The following ALDH16A1 variants were observed in gnomAD, a reference collection of about 807,000 sequenced individuals.
The protein encoded by ALDH16A1 is aldehyde dehydrogenase 16 family member A1, also known as aldehyde dehydrogenase family 16 member A1.
Under a neutral mutation model 96.1 loss-of-function variants are expected in ALDH16A1, and 88 were observed. That is an observed-to-expected ratio of 0.92 (90% CI 0.77 to 1.09). The LOEUF (loss-of-function observed/expected upper bound fraction) is 1.09. Ranked by LOEUF, ALDH16A1 falls within the 50% of genes least tolerant of loss-of-function variation. The probability of loss-of-function intolerance (pLI) is 0.00; values close to 1 mark genes in which losing one functional copy is unlikely to be tolerated. For missense variants in ALDH16A1, 1,250 were observed against 1,112.6 expected (o/e 1.12, Z -1.76); for synonymous variants, 522 against 496.4 (o/e 1.05, Z -0.69).
intron 4 of ALDH16A1, 106 bp from the exon 5 acceptor site, chr19:49,460,716 T>G: frequency 6.2e-6 from 5 of 810,570 alleles, no homozygotes; most frequent in Non-Finnish European, 5.5e-6. Context: ...ACCCGGCCAT[T>G]TTTTTTTTTT....
At position 49,459,699 on chromosome 19, in the gene ALDH16A1, G is replaced by A. The variant is rs777499363; in HGVS notation, c.350G>A (p.Arg117Gln). ...RLAEVIQKHQ[R>Q]LLWTLESLVT... ...GCCGAGGTGATCCAGAAGCACCAGCGGCTGCTGTGGACCCTGGAATCCCTG... is the reference window on the plus strand; with the variant it reads ...GCCGAGGTGATCCAGAAGCACCAGCAGCTGCTGTGGACCCTGGAATCCCTG... The change falls in exon 4 of 17, where the codon CGG becomes CAG. Residue 117 changes from arginine (R) to glutamine (Q), a missense_variant. Physicochemically the swap from Arg to Gln is conservative, Grantham distance 43. Coordinates refer to ENST00000293350, the MANE Select transcript of ALDH16A1 (RefSeq NM_153329.4). This position sits in a 1 kb window ranked among gnomAD's most constrained non-coding sequence, Gnocchi z 4.1. The A allele has an allele frequency of 2.7e-5, 44 of 1,608,336 alleles. No individual in the cohort carries two copies. Among genetic ancestry groups the A allele is most frequent in the Middle Eastern group, 1.7e-4 (1 of 6,032 alleles).
rs1187953365 is a variant in ALDH16A1, at chr19:49,464,219, T to C, written c.1287T>C (p.Ser429=). The stretch of plus-strand genomic sequence containing the variant: ...GGACGCCCCGCGGGGGCAGCGCCAG[T>C]GTGTGGAGCGAGAGGCTGGGGCAGG... ...ANGTPRGGSA[S]VWSERLGQAL... is the part of the protein sequence containing the mutation. Residue 429 remains serine, a synonymous_variant, in exon 10 of 17, where the codon AGT becomes AGC. Coordinates refer to ENST00000293350, the MANE Select transcript of ALDH16A1 (RefSeq NM_153329.4). 1.2e-6 allele frequency: 2 copies of C among 1,605,410 alleles called. No individual in the cohort carries two copies. Among genetic ancestry groups the C allele is most frequent in the East Asian group, 4.5e-5 (2 of 44,842 alleles).
intron 14 of ALDH16A1, among the ~76,000 whole-genome samples, chr19:49,467,770 C>T (rs2079211188): frequency 6.6e-6 from 1 of 151,920 alleles, no homozygotes. Context: ...CATAGGGATA[C>T]ACGTGCCATG....
intron 7 of ALDH16A1, among the ~76,000 whole-genome samples, chr19:49,462,296 G>C (rs1446125095): frequency 6.6e-6 from 1 of 151,952 alleles, no homozygotes; most frequent in Non-Finnish European, 1.5e-5. Context: ...CACCATGCCT[G>C]GCTAATTTAT....
At chr19:49,457,363 C>G (rs1156403333) in intron 1 of ALDH16A1, among the ~76,000 whole-genome samples, 1 of 151,594 alleles carries the variant, frequency 6.6e-6, no homozygotes, top group Non-Finnish European at 1.5e-5. Context: ...CTGGCTAACA[C>G]AGTGAAACCC....
intron 2 of ALDH16A1, 43 bp from the exon 3 acceptor site, chr19:49,458,917 T>C (rs368939757): frequency 1.4e-5 from 22 of 1,593,088 alleles, no homozygotes; most frequent in Non-Finnish European, 1.9e-5. Flanking sequence ...AGATATGACA[T>C]GGGCTACTCC....
intron 14 of ALDH16A1, among the ~76,000 whole-genome samples, chr19:49,467,903 T>C (rs1310866241): frequency 2.7e-5 from 4 of 149,194 alleles, no homozygotes; most frequent in African/African-American, 7.4e-5. Context: ...GCCTGTAATC[T>C]CAGCACTTTG....
At position 49,465,847 on chromosome 19, in the gene ALDH16A1, G is replaced by A; in HGVS notation, c.1678G>A (p.Glu560Lys). Residue 560 changes from glutamate (E) to lysine (K), a missense_variant, in exon 13 of 17, where the codon GAG (glutamate) becomes AAG (lysine). Transcript: ENST00000293350. ...TGGCAACCTCCATGGCTACGTGGCTGAGGGTGGAGCCAAGGACATCCGAGG... is the reference window on the plus strand; with the variant it reads ...TGGCAACCTCCATGGCTACGTGGCTAAGGGTGGAGCCAAGGACATCCGAGG... ...SSGNLHGYVA[E>K]GGAKDIRGAV... 1 of 1,614,136 alleles carries A rather than the reference G, an allele frequency of 6.2e-7. No individual in the cohort carries two copies. The highest frequency in any genetic ancestry group is 8.5e-7 in the Non-Finnish European group (1 of 1,180,004).
chr19:49,464,335 G>T (rs888777884), intron 10 of ALDH16A1, 72 bp downstream of exon 10: 1 of 1,571,710 alleles, frequency 6.4e-7, no homozygotes. Context: ...TCCCTGGGTC[G>T]CTCCCCGCGC....
At chr19:49,467,576 A>G in intron 14 of ALDH16A1, among the ~76,000 whole-genome samples, 1 of 148,752 alleles carries the variant, frequency 6.7e-6, no homozygotes, top group African/African-American at 2.5e-5. Flanking sequence ...TTTTTTGTAT[A>G]TTTAGTAGAG....
At position 49,470,935 on chromosome 19, in the gene ALDH16A1, C is replaced by G. The variant is rs115203366; in HGVS notation, c.*468C>G. The G allele has an allele frequency of 6.5e-6, 1 of 153,438 alleles. No homozygotes were observed. Among genetic ancestry groups the G allele is most frequent in the African/African-American group, 2.4e-5 (1 of 41,632 alleles). 9.5% of individuals were successfully genotyped at this position (153,438 alleles called of 1,614,324 possible). ...AGACAGGGCCTTAGGACTCTCATAT[C>G]TTCTTGTCTTCTCCATCTGGTGGCT... On this transcript the variant is annotated 3_prime_UTR_variant, in exon 17 of 17. Coordinates refer to ENST00000293350, the MANE Select transcript of ALDH16A1 (RefSeq NM_153329.4).
chr19:49,460,124 G>A (rs2032997363), intron 4 of ALDH16A1, among the ~76,000 whole-genome samples: 1 of 151,962 alleles, frequency 6.6e-6, no homozygotes, highest in Admixed American at 6.6e-5. Flanking sequence ...TGTTGGTCAG[G>A]CTGGTCTCAA....
rs1336852302 is a variant in ALDH16A1, at chr19:49,464,225, G to C, written c.1293G>C (p.Trp431Cys). 8.7e-6 allele frequency: 14 copies of C among 1,605,092 alleles called. No homozygotes were observed. Among genetic ancestry groups the C allele is most frequent in the Non-Finnish European group, 1.2e-5 (14 of 1,179,548 alleles). ...CCCGCGGGGGCAGCGCCAGTGTGTG[G>C]AGCGAGAGGCTGGGGCAGGCGCTGG... ...GTPRGGSASV[W>C]SERLGQALEL... The change falls in exon 10 of 17, where the codon TGG becomes TGC. Residue 431 changes from tryptophan (W) to cysteine (C), a missense_variant. Coordinates refer to ENST00000293350, the MANE Select transcript of ALDH16A1 (RefSeq NM_153329.4).
At position 49,469,005 on chromosome 19, in the gene ALDH16A1, T is replaced by C. The variant is rs184902824; in HGVS notation, c.2247+19T>C. ...AGCCCAGGTGCTCTTTGTTCTGTTT[T>C]GCCATCTTCAGCATCTCAAACTTCA... On this transcript the variant is annotated intron_variant, in intron 16 of 16. Coordinates refer to ENST00000293350, the MANE Select transcript of ALDH16A1 (RefSeq NM_153329.4). The C allele has an allele frequency of 8.1e-5, 129 of 1,594,464 alleles. No homozygotes were observed. The highest frequency in any genetic ancestry group is 9.6e-5 in the Non-Finnish European group (112 of 1,166,122).
At chr19:49,466,505 A>G (rs939339652) in intron 14 of ALDH16A1, among the ~76,000 whole-genome samples, 9 of 152,182 alleles carry the variant, frequency 5.9e-5, no homozygotes, top group Non-Finnish European at 1.2e-4. Flanking sequence ...GATGATGGAT[A>G]GCGACCCATT....
chr19:49,465,690 A>G (rs773065849), intron 12 of ALDH16A1, 48 bp from the exon 13 acceptor site: 28 of 1,572,400 alleles, frequency 1.8e-5, no homozygotes, highest in Non-Finnish European at 1.4e-5. Flanking sequence ...ATAGGGTCTG[A>G]GCAGATTGAG....
intron 7 of ALDH16A1, 22 bp from the exon 8 acceptor site, chr19:49,462,548 C>T (rs1156980176): frequency 3.1e-6 from 5 of 1,609,124 alleles, no homozygotes; most frequent in Admixed American, 1.7e-5. Context: ...GTGTGATCTC[C>T]TGATGCCCCT....
intron 5 of ALDH16A1, 74 bp from the exon 6 acceptor site, chr19:49,461,545 T>C (rs62128063): frequency 1.6e-3 from 168 of 107,244 alleles, no homozygotes; most frequent in Non-Finnish European, 2.4e-3. Flanking sequence ...GGGCTGGGGG[T>C]CCAGATTCCT....
chr19:49,462,530 G>C (rs2079158947), intron 7 of ALDH16A1, 40 bp from the exon 8 acceptor site: 2 of 1,594,492 alleles, frequency 1.3e-6, no homozygotes, highest in Non-Finnish European at 1.7e-6. Context: ...ACTTGCTAGA[G>C]TGCAATGGTG....
Sources: gnomAD v4.1 joint callset for allele counts (sites outside exome capture counted in the v4.1 genomes callset) on GRCh38, gnomAD v4.1.1 for gene constraint, Gnocchi (gnomAD v3.1) non-coding constraint, MANE v1.5 for transcripts, NCBI Gene and HGNC (gene_info 2026-07-23, HGNC 2026-07-21) for gene names.